Variants in DDX60L observed in about 807,000 individuals in gnomAD.
DDX60L encodes DExD/H-box 60 like, also known as probable ATP-dependent RNA helicase DDX60-like.
Under a neutral mutation model 211.6 loss-of-function variants are expected in DDX60L, and 191 were observed. The ratio of observed to expected loss-of-function variants is 0.90; its 90% confidence interval spans 0.80 to 1.02. DDX60L has a LOEUF of 1.02. Among genes scored for constraint, DDX60L ranks in the 50% least tolerant of loss-of-function variants. DDX60L has a pLI of 0.00. For synonymous variants in DDX60L, 706 were observed against 694.1 expected, an observed-to-expected ratio of 1.02 and a Z score of -0.27; for missense variants, 2,007 against 1,984.1, an observed-to-expected ratio of 1.01 and a Z score of -0.22.
intron 26 of DDX60L, 93 bp downstream of exon 26, chr4:168,400,723 CAAGAACCTCT>C: frequency 9.6e-7 from 1 of 1,041,656 alleles, no homozygotes; most frequent in Non-Finnish European, 1.4e-6. Context: ...GAAGCAATAA[CAAGAACCTCT>C]TTGTGGCTCA....
At chr4:168,410,252 G>T (rs1748454560) in intron 22 of DDX60L, among the ~76,000 whole-genome samples, 1 of 152,042 alleles carries the variant, frequency 6.6e-6, no homozygotes, top group Non-Finnish European at 1.5e-5. Context: ...CATGTGGAGA[G>T]ATCATAGAAA....
At chr4:168,474,185 T>C (rs1759186689) in intron 1 of DDX60L, among the ~76,000 whole-genome samples, 2 of 152,156 alleles carry the variant, frequency 1.3e-5, no homozygotes, top group Admixed American at 1.3e-4. Flanking sequence ...TTGGACAGGA[T>C]TGCTACAGAC....
rs753591123 is a variant in DDX60L, at chr4:168,472,521, G to C, written c.8C>G (p.Ser3Ter). The change falls in exon 3 of 38, where the codon TCA (serine) becomes TGA (stop). Residue 3 changes from serine (S) to a stop codon, truncating the protein, a stop_gained. Transcript: ENST00000682922. LOFTEE classifies it high-confidence loss of function. ...CCTGAAAAATACTGCATGATCCTTT[G>C]ACCCTAAAAATAAGGAGATTTTTTG... is the stretch of plus-strand genomic sequence containing the variant. MG[S>*]KDHAVFFREM... is the part of the protein sequence containing the mutation. 10 of 1,579,818 alleles carry C rather than the reference G, an allele frequency of 6.3e-6. No homozygotes were observed. The South Asian group carries it at 1.0e-4, about 16-fold the overall frequency.
intron 29 of DDX60L, among the ~76,000 whole-genome samples, chr4:168,385,781 G>A (rs1030212654): frequency 1.3e-5 from 2 of 152,134 alleles, no homozygotes; most frequent in African/African-American, 2.4e-5. Context: ...AGCAGTTTGC[G>A]TTTTGCTCAT....
chr4:168,470,778 T>G, intron 4 of DDX60L: 1 of 201,742 alleles, frequency 5.0e-6, no homozygotes, highest in Non-Finnish European at 1.1e-5. Flanking sequence ...AGGTGGAGGT[T>G]GCAGTGAGCC....
chr4:168,467,186 A>T (rs1459946567), intron 4 of DDX60L, among the ~76,000 whole-genome samples: 4 of 152,140 alleles, frequency 2.6e-5, no homozygotes, highest in Non-Finnish European at 5.9e-5. Context: ...AGATAGGTGG[A>T]TTGCTTGACC....
At chr4:168,450,663 C>T (rs1259709845) in intron 8 of DDX60L, among the ~76,000 whole-genome samples, 1 of 152,174 alleles carries the variant, frequency 6.6e-6, no homozygotes, top group Non-Finnish European at 1.5e-5. Context: ...TGCCTATAAT[C>T]CCAACACTTT....
intron 29 of DDX60L, 113 bp from the exon 30 acceptor site, chr4:168,384,925 A>G: frequency 9.0e-7 from 1 of 1,110,480 alleles, no homozygotes; most frequent in Non-Finnish European, 1.3e-6. Flanking sequence ...TTGTGTATTT[A>G]GTCCTGAAAC....
chr4:168,358,115 C>T lies in DDX60L; in HGVS notation c.*32G>A. 6.3e-7 allele frequency: 1 copy of T among 1,583,456 alleles called. No homozygotes were observed. Among genetic ancestry groups the T allele is most frequent in the Non-Finnish European group, 8.6e-7 (1 of 1,158,526 alleles). On this transcript the variant is annotated 3_prime_UTR_variant, in exon 38 of 38. Transcript: ENST00000682922. ...TCTCTCCTTGCAAAGGGATAAATAC[C>T]ACATAATCAGACTTGAAAGTTTTCC...
chr4:168,390,638 A>ATT, intron 29 of DDX60L: 7 of 489,658 alleles, frequency 1.4e-5, no homozygotes, highest in Non-Finnish European at 1.8e-5. Flanking sequence ...GATTATTGTC[A>ATT]GTTTTTTTTT....
chr4:168,433,809 AT>A (rs1238117692), intron 10 of DDX60L, among the ~76,000 whole-genome samples: 1 of 152,124 alleles, frequency 6.6e-6, no homozygotes, highest in East Asian at 1.9e-4. Flanking sequence ...GAATTGTATC[AT>A]ATACAAATAT....
At chr4:168,422,706 A>G (rs1750829767) in intron 15 of DDX60L, 36 bp from the exon 16 acceptor site, 1 of 1,447,840 alleles carries the variant, frequency 6.9e-7, no homozygotes, top group South Asian at 1.3e-5. Context: ...ATCAACTTAA[A>G]CTTCAAAATT....
At chr4:168,369,018 T>C (rs1302472566) in intron 36 of DDX60L, among the ~76,000 whole-genome samples, 1 of 152,214 alleles carries the variant, frequency 6.6e-6, no homozygotes, top group Admixed American at 6.5e-5. Context: ...AGTAGACTTT[T>C]GAGTTAATGC....
At chr4:168,462,595 T>C (rs1243823785) in intron 4 of DDX60L, among the ~76,000 whole-genome samples, 1 of 152,126 alleles carries the variant, frequency 6.6e-6, no homozygotes, top group East Asian at 1.9e-4. Context: ...GGTGGATCAT[T>C]TGAGGTCAGG....
chr4:168,360,205 T>G (rs1738869267), intron 37 of DDX60L, among the ~76,000 whole-genome samples: 1 of 152,108 alleles, frequency 6.6e-6, no homozygotes, highest in Non-Finnish European at 1.5e-5. Context: ...CCTGGAAGAG[T>G]GCCTCTAACA....
chr4:168,398,406 G>A (rs1051978164), intron 26 of DDX60L, among the ~76,000 whole-genome samples: 1 of 152,236 alleles, frequency 6.6e-6, no homozygotes, highest in East Asian at 1.9e-4. Context: ...AGCATGGGAG[G>A]GAGGCCAAAG....
chr4:168,427,246 T>G lies in DDX60L; in HGVS notation c.1754A>C (p.Gln585Pro). The G allele has an allele frequency of 1.2e-6, 2 of 1,613,904 alleles. No individual in the cohort carries two copies. Among genetic ancestry groups the G allele is most frequent in the Middle Eastern group, 1.6e-4 (1 of 6,062 alleles). Reference sequence around the variant, plus strand: ...AATAGAAAACAGCAGATCATCGTTTTGCTGAGCTTTGTTCTGATCTTCTTT... The same window carrying G: ...AATAGAAAACAGCAGATCATCGTTTGGCTGAGCTTTGTTCTGATCTTCTTT... ...FLKEDQNKAQ[Q>P]NDDLLFSIEE... Residue 585 changes from glutamine (Q) to proline (P), a missense_variant, in exon 14 of 38, where the codon CAA (glutamine) becomes CCA (proline). Gln to Pro is a moderately conservative substitution (Grantham distance 76). Coordinates refer to ENST00000682922, the MANE Select transcript of DDX60L (RefSeq NM_001012967.3).
At chr4:168,421,604 G>C (rs542189542) in intron 17 of DDX60L, among the ~76,000 whole-genome samples, 156 bp downstream of exon 17, 2 of 152,170 alleles carry the variant, frequency 1.3e-5, no homozygotes, top group Admixed American at 1.3e-4. Flanking sequence ...GCAGTGAGCC[G>C]AGATCGCGCC....
intron 4 of DDX60L, among the ~76,000 whole-genome samples, chr4:168,463,135 T>C (rs549839718): frequency 3.3e-5 from 5 of 152,220 alleles, no homozygotes; most frequent in Admixed American, 3.3e-4. Context: ...TTACTGGGTA[T>C]ATATCCAAAG....
Sources: allele counts gnomAD v4.1 joint callset (sites outside exome capture counted in the v4.1 genomes callset), GRCh38; gene constraint gnomAD v4.1.1; transcripts MANE v1.5; gene names NCBI Gene and HGNC (gene_info 2026-07-23, HGNC 2026-07-21).